Variants in EFHB observed in about 807,000 individuals in gnomAD.
EFHB encodes EF-hand domain-containing family member B.
A neutral mutation model predicts 87.2 loss-of-function variants in EFHB; 91 were observed. The observed-to-expected ratio is 1.04, with a 90% CI of 0.88 to 1.24. The LOEUF (loss-of-function observed/expected upper bound fraction) is 1.24, where lower values mean the gene tolerates loss of function less well. Among genes scored for constraint, EFHB ranks in the 50% most tolerant of loss-of-function variants. The pLI is 0.00. For synonymous variants in EFHB, 325 were observed against 333.6 expected (o/e 0.97, Z 0.28); for missense variants, 1,084 against 998.8 (o/e 1.09, Z -1.15).
At chr3:19,918,825 A>AC (rs1239680893) in intron 3 of EFHB, among the ~76,000 whole-genome samples, 1 of 151,356 alleles carries the variant, frequency 6.6e-6, no homozygotes. Context: ...AAAAAAAAAA[A>AC]AAAAATTAGC....
chr3:19,930,237 AAAT>A (rs1222454238), intron 1 of EFHB, among the ~76,000 whole-genome samples: 1 of 152,216 alleles, frequency 6.6e-6, no homozygotes. Flanking sequence ...GTTATAATCA[AAAT>A]AAATATTTTA....
At chr3:19,907,690 T>A (rs577135703) in intron 5 of EFHB, among the ~76,000 whole-genome samples, 1 of 152,320 alleles carries the variant, frequency 6.6e-6, no homozygotes, top group South Asian at 2.1e-4. Flanking sequence ...TTTTTTCTTT[T>A]CAAGTCTTGA....
intron 1 of EFHB, among the ~76,000 whole-genome samples, chr3:19,943,706 C>G (rs992115613): frequency 6.6e-6 from 1 of 152,114 alleles, no homozygotes; most frequent in African/African-American, 2.4e-5. Context: ...TTACATGAGA[C>G]TAGAGCATCT....
Position 19,933,914 on chromosome 3 carries a change from T to C in EFHB, c.105A>G (p.Gly35=). The C allele has an allele frequency of 6.2e-7, 1 of 1,614,008 alleles. No homozygotes were observed. Among genetic ancestry groups the C allele is most frequent in the Non-Finnish European group, 8.5e-7 (1 of 1,179,900 alleles). Residue 35 remains glycine, a synonymous_variant, in exon 1 of 13, where the codon GGA becomes GGG. Coordinates refer to ENST00000295824, the MANE Select transcript of EFHB (RefSeq NM_144715.4). ...CGCATCGGGAATCTTCTTTTCCTAA[T>C]CCTACTCTGATCCCCAACTCCATGG... ...KFPMELGIRV[G]LGKEDSRCGE... is the part of the protein sequence containing the mutation.
rs1695190258 is a variant in EFHB, at chr3:19,915,300, T to TA, written c.1288+2dup. The TA allele has an allele frequency of 6.2e-7, 1 of 1,603,166 alleles. No homozygotes were observed. Among genetic ancestry groups the TA allele is most frequent in the Admixed American group, 1.7e-5 (1 of 59,664 alleles). The stretch of plus-strand genomic sequence containing the variant: ...GGCCCATTTTGCATCGGAGGACACT[T>TA]ACCTGCATAATAATCATTGTGAGAA... On this transcript the variant is annotated splice_region_variant and intron_variant, in intron 5 of 12. Transcript: ENST00000295824.
chr3:19,934,130 G>C lies in EFHB; in HGVS notation c.-112C>G. 1 of 1,461,022 alleles carries C rather than the reference G, an allele frequency of 6.8e-7. No homozygotes were observed. The allele number at this position is 1,461,022 out of a possible 1,614,324, so 90.5% of individuals were successfully genotyped here. ...CTTGCGGAACCCCTCTCTCAGGAAA[G>C]AGCACAACCTCACTCGGACTCCCTG... On this transcript the variant is annotated 5_prime_UTR_variant, in exon 1 of 13. Transcript: ENST00000295824.
chr3:19,895,197 T>G (rs1694438700), intron 9 of EFHB, among the ~76,000 whole-genome samples: 1 of 150,410 alleles, frequency 6.6e-6, no homozygotes, highest in Non-Finnish European at 1.5e-5. Context: ...AGGAATATGC[T>G]TGGGCCAGGC....
rs907194412 is a variant in EFHB at position 19,884,448 on chromosome 3, T to C, written c.2101A>G (p.Thr701Ala). The C allele has an allele frequency of 6.2e-7, 1 of 1,613,714 alleles. No individual in the cohort carries two copies. The highest frequency in any genetic ancestry group is 1.3e-5 in the African/African-American group (1 of 74,884). Residue 701 changes from threonine (T) to alanine (A), a missense_variant, in exon 11 of 13, where the codon ACT becomes GCT. Thr to Ala is a moderately conservative substitution (Grantham distance 58). Coordinates refer to ENST00000295824, the MANE Select transcript of EFHB (RefSeq NM_144715.4). ...ACAATTGCATTGATCTCAGAAGAAG[T>C]TGTCTTATAGTAGTTGGAAACTTTA... ...SDKVSNYYKT[T>A]SSEINAIVGA...
At chr3:19,945,599 C>T (rs1696256408) in intron 1 of EFHB, among the ~76,000 whole-genome samples, 1 of 152,086 alleles carries the variant, frequency 6.6e-6, no homozygotes, top group African/African-American at 2.4e-5. Context: ...GAATAGGTTT[C>T]GTTTTGGGCA....
At chr3:19,937,277 C>T (rs563901619), upstream of EFHB, among the ~76,000 whole-genome samples, 2 of 152,120 alleles carry the variant, frequency 1.3e-5, no homozygotes, top group Non-Finnish European at 2.9e-5. Context: ...TTATTTAAGA[C>T]ATTGCATTTT....
intron 1 of EFHB, chr3:19,940,768 G>T: frequency 8.6e-6 from 3 of 349,646 alleles, no homozygotes; most frequent in South Asian, 7.2e-5. Flanking sequence ...TCAATGTGAG[G>T]AACACCTTGG....
At chr3:19,881,984 T>G (rs1327121929) in intron 12 of EFHB, among the ~76,000 whole-genome samples, 1 of 151,094 alleles carries the variant, frequency 6.6e-6, no homozygotes, top group Non-Finnish European at 1.5e-5. Flanking sequence ...AAGAGGAACA[T>G]CTCAGATGTG....
At chr3:19,899,642 ACT>A (rs1401146686) in intron 6 of EFHB, 127 bp from the exon 7 acceptor site, 5 of 534,608 alleles carry the variant, frequency 9.4e-6, no homozygotes, top group African/African-American at 1.9e-5. Flanking sequence ...TTCAAAAGAA[ACT>A]CTCTGCTAAA....
At chr3:19,918,919 A>G (rs1351278941) in intron 3 of EFHB, among the ~76,000 whole-genome samples, 2 of 148,676 alleles carry the variant, frequency 1.3e-5, no homozygotes, top group African/African-American at 2.5e-5. Flanking sequence ...AGTGGAGGTT[A>G]TAGTGAGCCA....
Position 19,891,416 on chromosome 3 carries a change from C to G in EFHB, c.1726-2765G>C, listed in dbSNP as rs367798011. Among the ~76,000 whole-genome samples, 5 of 152,278 alleles carry G rather than the reference C, an allele frequency of 3.3e-5. No homozygotes were observed. In the East Asian group the frequency reaches 5.8e-4, roughly 18 times the overall value. On this transcript the variant is annotated intron_variant, in intron 9 of 12. Coordinates refer to ENST00000295824, the MANE Select transcript of EFHB (RefSeq NM_144715.4). ...CACTCTGTCACCTGAAGCAAAGCCA[C>G]TGGCTCAAGAGGACCCTCAATTCAC...
At chr3:19,899,236 T>C (rs974411797) in intron 7 of EFHB, among the ~76,000 whole-genome samples, 196 bp downstream of exon 7, 10 of 152,234 alleles carry the variant, frequency 6.6e-5, no homozygotes, top group African/African-American at 1.9e-4. Context: ...TCCAGTGCCT[T>C]CTGCATTTTG....
intron 5 of EFHB, among the ~76,000 whole-genome samples, chr3:19,915,038 A>G (rs7356115): frequency 0.68 from 103,354 of 151,702 alleles, 36,009 homozygotes; most frequent in African/African-American, 0.8. Context: ...ACTGCAATGA[A>G]CCATGATCAT....
Position 19,888,564 on chromosome 3 carries a change from G to C in EFHB, c.1813C>G (p.Leu605Val), listed in dbSNP as rs1249122331. 3 of 1,600,220 alleles carry C rather than the reference G, an allele frequency of 1.9e-6. No homozygotes were observed. The highest frequency in any genetic ancestry group is 2.6e-6 in the Non-Finnish European group (3 of 1,172,670). Reference sequence around the variant, plus strand: ...TTATCCACATCACAGTAGTCAAATAGCTGGTCCAGGAGCTTGTCATCTAAA... The same window carrying C: ...TTATCCACATCACAGTAGTCAAATACCTGGTCCAGGAGCTTGTCATCTAAA... ...LSLDDKLLDQ[L>V]FDYCDVDNDG... is the part of the protein sequence containing the mutation. The change falls in exon 10 of 13, where the codon CTA (leucine) becomes GTA (valine). Residue 605 changes from leucine to valine, a missense_variant. Transcript: ENST00000295824.
intron 5 of EFHB, among the ~76,000 whole-genome samples, chr3:19,909,212 C>G (rs949210387): frequency 6.6e-6 from 1 of 152,028 alleles, no homozygotes. Context: ...CCTCCCCAAC[C>G]CCGGCAGCAG....
Sources: allele counts gnomAD v4.1 joint callset (sites outside exome capture counted in the v4.1 genomes callset), GRCh38; gene constraint gnomAD v4.1.1; transcripts MANE v1.5; gene names NCBI Gene and HGNC (gene_info 2026-07-23, HGNC 2026-07-21).